CNTNAP4: variants seen among roughly 807,000 people sequenced by gnomAD.
The protein encoded by CNTNAP4 is contactin associated protein family member 4, also known as contactin-associated protein-like 4.
CNTNAP4 carries 98 observed loss-of-function variants against 148.4 expected under a neutral mutation model. The observed-to-expected ratio is 0.66, with a 90% CI of 0.56 to 0.78. The LOEUF (loss-of-function observed/expected upper bound fraction) is 0.78, where lower values mean the gene tolerates loss of function less well. CNTNAP4 is among the 30% of genes least tolerant of loss of function. The pLI is 0.00. For synonymous variants in CNTNAP4, 730 were observed against 565.1 expected (o/e 1.29, Z -4.14); for missense variants, 1,935 against 1,565.6 (o/e 1.24, Z -3.98).
rs114153558 is a variant in CNTNAP4, at chr16:76,314,629, C to T, written c.86-1784C>T. Among the ~76,000 whole-genome samples the T allele has an allele frequency of 3.5e-3, 533 of 152,186 alleles. 5 individuals carry two copies. The highest frequency in any genetic ancestry group is 0.013 in the African/African-American group (524 of 41,520). On this transcript the variant is annotated intron_variant, in intron 1 of 23. Coordinates refer to ENST00000611870, the MANE Select transcript of CNTNAP4 (RefSeq NM_033401.5). ...AAATTATTGGGACATCAGGACACGC[C>T]CAAGTCTGGGTCTGTTAAGTAAACG...
Position 76,522,294 on chromosome 16 carries a change from A to G in CNTNAP4, c.2755+37A>G, listed in dbSNP as rs369858835. ...TTTTAAGCAATCATTTTATTGTATG[A>G]TATGTGTTCAGAAATGGCCCAAGAT... On this transcript the variant is annotated intron_variant, in intron 17 of 23. Transcript: ENST00000611870. 74 of 1,559,222 alleles carry G rather than the reference A, an allele frequency of 4.7e-5. No homozygotes were observed. In the African/African-American group the frequency reaches 8.4e-4, roughly 18 times the overall value.
intron 12 of CNTNAP4, among the ~76,000 whole-genome samples, chr16:76,480,438 C>G (rs2081784098): frequency 6.6e-6 from 1 of 152,114 alleles, no homozygotes; most frequent in Non-Finnish European, 1.5e-5. Context: ...TTTCAATGAA[C>G]TAATATCCTA....
At chr16:76,395,848 C>T (rs1224817743) in intron 3 of CNTNAP4, among the ~76,000 whole-genome samples, 1 of 152,008 alleles carries the variant, frequency 6.6e-6, no homozygotes, top group Non-Finnish European at 1.5e-5. Context: ...CCTGCCTCAG[C>T]CTCCCTAGTA....
At chr16:76,522,547 TTGCC>T (rs750172150) in intron 17 of CNTNAP4, among the ~76,000 whole-genome samples, 46 of 151,656 alleles carry the variant, frequency 3.0e-4, no homozygotes, top group South Asian at 6.3e-4. Context: ...TAATTCCTAT[TTGCC>T]TGCCTGCCTG....
intron 21 of CNTNAP4, among the ~76,000 whole-genome samples, chr16:76,548,295 C>CTT (rs66981960): frequency 7.8e-4 from 72 of 92,862 alleles, no homozygotes; most frequent in African/African-American, 1.3e-3. Flanking sequence ...TTCACTGCAC[C>CTT]TTTTTTTTTT....
At chr16:76,486,844 T>C (rs970057313) in intron 12 of CNTNAP4, among the ~76,000 whole-genome samples, 3 of 152,134 alleles carry the variant, frequency 2.0e-5, no homozygotes, top group Non-Finnish European at 4.4e-5. Flanking sequence ...CCTCCTCTTG[T>C]GGTGCAAGTC....
intron 8 of CNTNAP4, among the ~76,000 whole-genome samples, chr16:76,461,392 T>C (rs2080954520): frequency 6.6e-6 from 1 of 152,142 alleles, no homozygotes; most frequent in Non-Finnish European, 1.5e-5. Flanking sequence ...TAAGTTCTAA[T>C]AAGGAGGCAA....
At chr16:76,294,286 T>C (rs961867456) in intron 1 of CNTNAP4, among the ~76,000 whole-genome samples, 2 of 152,214 alleles carry the variant, frequency 1.3e-5, no homozygotes, top group African/African-American at 4.8e-5. Context: ...TATGGATTCC[T>C]GATCTAATAC....
chr16:76,509,831 CT>C (rs542061871), intron 15 of CNTNAP4, among the ~76,000 whole-genome samples: 2,527 of 93,100 alleles, frequency 0.027, 377 homozygotes, highest in African/African-American at 0.063. Context: ...GATATTTTAC[CT>C]TTTTTTTTGT....
chr16:76,292,734 A>C (rs1051036624), intron 1 of CNTNAP4, among the ~76,000 whole-genome samples: 1 of 152,168 alleles, frequency 6.6e-6, no homozygotes, highest in African/African-American at 2.4e-5. Flanking sequence ...TTTGAAGAAA[A>C]AATAGGCATC....
At chr16:76,383,881 TGA>T (rs771953691) in intron 3 of CNTNAP4, among the ~76,000 whole-genome samples, 17 of 152,142 alleles carry the variant, frequency 1.1e-4, no homozygotes, top group African/African-American at 3.1e-4. Context: ...TAGATGTGTG[TGA>T]GTTTTAAATT....
chr16:76,449,228 A>G (rs2100084516), intron 6 of CNTNAP4, among the ~76,000 whole-genome samples: 1 of 152,218 alleles, frequency 6.6e-6, no homozygotes, highest in South Asian at 2.1e-4. Flanking sequence ...AATCTTCTGC[A>G]CCAAAAAAAT....
chr16:76,428,164 C>T (rs1020131779), intron 4 of CNTNAP4, among the ~76,000 whole-genome samples: 2 of 152,178 alleles, frequency 1.3e-5, no homozygotes, highest in Non-Finnish European at 2.9e-5. Flanking sequence ...CCACAGATTT[C>T]ACTTAGTCTC....
chr16:76,504,947 A>G (rs1334556532), intron 15 of CNTNAP4, among the ~76,000 whole-genome samples: 2 of 151,018 alleles, frequency 1.3e-5, no homozygotes, highest in Non-Finnish European at 2.9e-5. Flanking sequence ...TAATAATAAC[A>G]AAAAAACCCC....
intron 2 of CNTNAP4, among the ~76,000 whole-genome samples, chr16:76,344,346 A>G (rs1964732569): frequency 6.6e-6 from 1 of 152,198 alleles, no homozygotes; most frequent in Non-Finnish European, 1.5e-5. Context: ...TGAATTGGAT[A>G]GATGCATTAA....
intron 1 of CNTNAP4, among the ~76,000 whole-genome samples, chr16:76,312,866 A>G (rs1961287724): frequency 6.6e-6 from 1 of 152,194 alleles, no homozygotes. Context: ...GTGTGGCAGG[A>G]TTATAACTTC....
At position 76,298,481 on chromosome 16, in the gene CNTNAP4, CATGT is replaced by C. The variant is rs1257827653; in HGVS notation, c.86-17927_86-17924del. Among the ~76,000 whole-genome samples, 306 of 134,918 alleles carry C rather than the reference CATGT, an allele frequency of 2.3e-3. 1 individual carries two copies. Among genetic ancestry groups the C allele is most frequent in the Non-Finnish European group, 3.5e-3 (220 of 62,024 alleles). 88.5% of individuals were successfully genotyped at this position (134,918 alleles called of 152,430 possible). On this transcript the variant is annotated intron_variant, in intron 1 of 23. Coordinates refer to ENST00000611870, the MANE Select transcript of CNTNAP4 (RefSeq NM_033401.5). ...TTCATTGTGTGTGCACATGTGTGTACATGTATGTGTGTGTGTGTGTGTGTGTGTG... is the reference window on the plus strand; with the variant it reads ...TTCATTGTGTGTGCACATGTGTGTACATGTGTGTGTGTGTGTGTGTGTGTG...
At chr16:76,376,903 A>G (rs2015466122) in intron 3 of CNTNAP4, among the ~76,000 whole-genome samples, 2 of 121,424 alleles carry the variant, frequency 1.6e-5, no homozygotes, top group African/African-American at 3.4e-5. Context: ...AAAACTAACA[A>G]GGTTTGTGTG....
intron 15 of CNTNAP4, among the ~76,000 whole-genome samples, chr16:76,501,877 C>T (rs1362623985): frequency 6.6e-5 from 10 of 151,954 alleles, no homozygotes; most frequent in South Asian, 2.1e-4. Flanking sequence ...GAGACCATCC[C>T]GGCTAAACGG....
Sources: gnomAD v4.1 joint callset for allele counts (sites outside exome capture counted in the v4.1 genomes callset) on GRCh38, gnomAD v4.1.1 for gene constraint, MANE v1.5 for transcripts, NCBI Gene and HGNC (gene_info 2026-07-23, HGNC 2026-07-21) for gene names.